The following TMEM25 variants were observed in gnomAD, a reference collection of about 807,000 sequenced individuals.
The protein encoded by TMEM25 is 0610039J01Rik.
In TMEM25, 36 loss-of-function variants were observed where a neutral mutation model predicts 37.0. The ratio of observed to expected loss-of-function variants is 0.97; its 90% confidence interval spans 0.75 to 1.28. The LOEUF (loss-of-function observed/expected upper bound fraction) is 1.28. TMEM25 is among the 50% of genes most tolerant of loss of function. TMEM25 has a pLI of 0.00. For missense variants in TMEM25, 444 were observed against 477.9 expected (o/e 0.93, Z 0.66); for synonymous variants, 197 against 203.7 (o/e 0.97, Z 0.28).
intron 8 of TMEM25, among the ~76,000 whole-genome samples, chr11:118,544,055 G>C (rs1163250369): frequency 1.3e-5 from 2 of 152,126 alleles, no homozygotes; most frequent in African/African-American, 4.8e-5. Flanking sequence ...TGATCTGCCT[G>C]CCTGGGCCTC....
rs372611929 is a variant in TMEM25, at chr11:118,545,757, C to G, written c.1028-362C>G. 190 of 1,598,668 alleles carry G rather than the reference C, an allele frequency of 1.2e-4. 1 individual carries two copies. The African/African-American group carries it at 2.5e-3, about 21-fold the overall frequency. ...TCCAAAAGCCTAGAGTGTCTCTATC[C>G]AGAGATGGGGACGAGGAAAGGAAAG... is the stretch of plus-strand genomic sequence containing the variant. On this transcript the variant is annotated intron_variant, in intron 8 of 8. Transcript: ENST00000354284.
chr11:118,545,860 G>A, intron 8 of TMEM25: 1 of 1,614,076 alleles, frequency 6.2e-7, no homozygotes, highest in African/African-American at 1.3e-5. Context: ...TTACCTGGAA[G>A]GGGCATGGAA....
Position 118,534,245 on chromosome 11 carries a change from A to ACTGC in TMEM25, c.938-19_938-16dup. Reference sequence around the variant, plus strand: ...ATCAGGCACACTCCTCGTCCTGAACACTGCCCTCTTTGTCAACCAGCAGTG... The same window carrying ACTGC: ...ATCAGGCACACTCCTCGTCCTGAACACTGCCTGCCCTCTTTGTCAACCAGCAGTG... On this transcript the variant is annotated intron_variant, in intron 7 of 8. Transcript: ENST00000313236. The surrounding 1 kb of genome is among the most constrained non-coding windows in gnomAD (Gnocchi z 4.6). The ACTGC allele has an allele frequency of 6.2e-7, 1 of 1,614,176 alleles. No homozygotes were observed. Among genetic ancestry groups the ACTGC allele is most frequent in the Non-Finnish European group, 8.5e-7 (1 of 1,180,032 alleles).
rs1591346712 is a variant in TMEM25, at chr11:118,535,616, T to C, written c.*1036T>C. 2 of 1,116,058 alleles carry C rather than the reference T, an allele frequency of 1.8e-6. No individual in the cohort carries two copies. The highest frequency in any genetic ancestry group is 2.6e-5 in the South Asian group (1 of 38,800). 69.1% of individuals were successfully genotyped at this position (1,116,058 alleles called of 1,614,324 possible). A position where few individuals can be genotyped will look rare whatever the true frequency, so the allele number is the denominator to read the frequency against. ...TCGCCACAGGCACATAATTCAACAG[T>C]GTGGAAGCTTTAGGGGAACATGGAG... On this transcript the variant is annotated 3_prime_UTR_variant, in exon 9 of 9. Coordinates refer to ENST00000313236, the MANE Select transcript of TMEM25 (RefSeq NM_032780.4).
chr11:118,535,232 T>C lies in TMEM25; in HGVS notation c.*652T>C, dbSNP rs1951478273. 1 of 1,142,504 alleles carries C rather than the reference T, an allele frequency of 8.8e-7. No individual in the cohort carries two copies. Among genetic ancestry groups the C allele is most frequent in the Middle Eastern group, 3.7e-4 (1 of 2,726 alleles). 70.8% of individuals were successfully genotyped at this position (1,142,504 alleles called of 1,614,324 possible). A position where few individuals can be genotyped will look rare whatever the true frequency, so the allele number is the denominator to read the frequency against. The stretch of plus-strand genomic sequence containing the variant: ...TCTAGGTTACACGTTGGACCTTCTC[T>C]ACTACTTCACTGGGCACTAGACTTT... On this transcript the variant is annotated 3_prime_UTR_variant, in exon 9 of 9. Coordinates refer to ENST00000313236, the MANE Select transcript of TMEM25 (RefSeq NM_032780.4).
chr11:118,543,209 A>T (rs1951603869), intron 8 of TMEM25, among the ~76,000 whole-genome samples: 1 of 152,100 alleles, frequency 6.6e-6, no homozygotes, highest in Admixed American at 6.6e-5. Context: ...TGTCAGCTCA[A>T]AGTTTGTCAT....
rs1951274872 is a variant in TMEM25, at chr11:118,531,646, G to T, written c.-27-129G>T. The T allele has an allele frequency of 1.9e-5, 14 of 726,386 alleles. No individual in the cohort carries two copies. The South Asian group carries it at 2.8e-4, about 15-fold the overall frequency. The allele number at this position is 726,386 out of a possible 1,614,324, so 45.0% of individuals were successfully genotyped here. A position where few individuals can be genotyped will look rare whatever the true frequency, so the allele number is the denominator to read the frequency against. ...CTTTGCCGTTCGTGTCCGTGCCTTCGCCACTGGGGGCTGGTCTACATTTGC... is the reference window on the plus strand; with the variant it reads ...CTTTGCCGTTCGTGTCCGTGCCTTCTCCACTGGGGGCTGGTCTACATTTGC... On this transcript the variant is annotated intron_variant, in intron 1 of 8. Transcript: ENST00000313236.
Position 118,534,027 on chromosome 11 carries a change from A to G in TMEM25, c.837-2A>G, listed in dbSNP as rs782146214. 4.3e-6 allele frequency: 7 copies of G among 1,613,914 alleles called. No homozygotes were observed. The highest frequency in any genetic ancestry group is 5.9e-6 in the Non-Finnish European group (7 of 1,179,992). ...CCATCCCGAACTTTGTCCTCCCTGT[A>G]GTGACTCCAACAACCTAAAACTCAA... On this transcript the variant is annotated splice_acceptor_variant, in intron 6 of 8. Transcript: ENST00000313236. LOFTEE classifies it high-confidence loss of function. This position sits in a 1 kb window ranked among gnomAD's most constrained non-coding sequence, Gnocchi z 4.6.
intron 8 of TMEM25, chr11:118,545,471 T>C: frequency 6.2e-7 from 1 of 1,613,620 alleles, no homozygotes. Flanking sequence ...ATCCGACTCT[T>C]GTAGACAGGG....
downstream of TMEM25, among the ~76,000 whole-genome samples, chr11:118,537,878 C>A (rs529512644): frequency 2.0e-5 from 3 of 151,984 alleles, no homozygotes; most frequent in East Asian, 5.8e-4. Context: ...TGGTGAGAGT[C>A]CCATCTCTAC....
chr11:118,534,070 G>A lies in TMEM25; in HGVS notation c.878G>A (p.Arg293Gln), dbSNP rs140792350. The A allele has an allele frequency of 1.9e-5, 31 of 1,613,904 alleles. No individual in the cohort carries two copies. The highest frequency in any genetic ancestry group is 1.7e-4 in the Admixed American group (10 of 59,982). ...NLKLNNVRLP[R>Q]ENMSLPSNLQ... ...AAACTCAACAACGTGCGCCTGCCACGGGAGAACATGTCCCTCCCGTCCAAC... is the reference window on the plus strand; with the variant it reads ...AAACTCAACAACGTGCGCCTGCCACAGGAGAACATGTCCCTCCCGTCCAAC... The change falls in exon 7 of 9, where the codon CGG (arginine) becomes CAG (glutamine). Residue 293 changes from arginine to glutamine, a missense_variant. Coordinates refer to ENST00000313236, the MANE Select transcript of TMEM25 (RefSeq NM_032780.4). The surrounding 1 kb of genome is among the most constrained non-coding windows in gnomAD (Gnocchi z 4.6).
Position 118,535,646 on chromosome 11 carries a change from A to G in TMEM25, c.*1066A>G. ...AAGCTTTAGGGGAACATGGAGAAAG[A>G]AGGAGACCACATACCCCAAAGTGAC... is the stretch of plus-strand genomic sequence containing the variant. On this transcript the variant is annotated 3_prime_UTR_variant, in exon 9 of 9. Transcript: ENST00000313236. The G allele has an allele frequency of 2.0e-6, 3 of 1,519,898 alleles. No individual in the cohort carries two copies. The highest frequency in any genetic ancestry group is 2.5e-5 in the East Asian group (1 of 40,412). The allele number at this position is 1,519,898 out of a possible 1,614,324, so 94.2% of individuals were successfully genotyped here.
At chr11:118,532,564 C>T in intron 3 of TMEM25, 103 bp downstream of exon 3, 1 of 1,326,588 alleles carries the variant, frequency 7.5e-7, no homozygotes, top group Non-Finnish European at 1.0e-6. Context: ...CACTTAAGCA[C>T]TTTGCAAATA....
In TMEM25 at chr11:118,545,792, C is replaced by CCA. The variant is rs782691199; in HGVS notation, c.1028-324_1028-323dup. On this transcript the variant is annotated intron_variant, in intron 8 of 8. Transcript: ENST00000354284. ...GACGAGGAAAGGAAAGAGGAACTCA[C>CCA]CACAGATCATGTCAATGTACTCTGC... is the stretch of plus-strand genomic sequence containing the variant. The CCA allele has an allele frequency of 1.9e-6, 3 of 1,613,964 alleles. No homozygotes were observed. In the African/African-American group the frequency reaches 4.0e-5, roughly 22 times the overall value.
At chr11:118,536,890 CGTGT>C (rs782323466), downstream of TMEM25, among the ~76,000 whole-genome samples, 1 of 152,026 alleles carries the variant, frequency 6.6e-6, no homozygotes, top group Non-Finnish European at 1.5e-5. Flanking sequence ...CAAGAGAGCA[CGTGT>C]GTGTGTGTCT....
intron 8 of TMEM25, among the ~76,000 whole-genome samples, chr11:118,542,111 G>A (rs1271044683): frequency 6.6e-6 from 1 of 152,086 alleles, no homozygotes; most frequent in East Asian, 1.9e-4. Flanking sequence ...TTGTTCCTGC[G>A]TTAATTCGCT....
intron 5 of TMEM25, 105 bp from the exon 6 acceptor site, chr11:118,533,752 G>A: frequency 6.3e-7 from 1 of 1,592,738 alleles, no homozygotes; most frequent in South Asian, 1.1e-5. Flanking sequence ...CCAGGCCTGG[G>A]CATTTGAGAG....
At chr11:118,531,651 T>TG in intron 1 of TMEM25, 124 bp from the exon 2 acceptor site, 2 of 771,164 alleles carry the variant, frequency 2.6e-6, no homozygotes, top group Non-Finnish European at 4.1e-6. Flanking sequence ...CCTTCGCCAC[T>TG]GGGGGCTGGT....
At chr11:118,532,540 G>C in intron 3 of TMEM25, 79 bp downstream of exon 3, 1 of 1,491,892 alleles carries the variant, frequency 6.7e-7, no homozygotes, top group Non-Finnish European at 9.0e-7. Flanking sequence ...GTGGTCCGCA[G>C]GACATTTAGC....
Sources: gnomAD v4.1 joint callset for allele counts (sites outside exome capture counted in the v4.1 genomes callset) on GRCh38, gnomAD v4.1.1 for gene constraint, Gnocchi (gnomAD v3.1) non-coding constraint, MANE v1.5 for transcripts, NCBI Gene and HGNC (gene_info 2026-07-23, HGNC 2026-07-21) for gene names.